The following TEAD1 variants were observed in gnomAD, a reference collection of about 807,000 sequenced individuals.
The protein encoded by TEAD1 is transcriptional enhancer factor TEF-1.
Under a neutral mutation model 54.9 loss-of-function variants are expected in TEAD1, and 9 were observed. The ratio of observed to expected loss-of-function variants is 0.16; its 90% CI spans 0.10 to 0.29. The LOEUF is 0.29. Among genes scored for constraint, TEAD1 ranks in the 10% least tolerant of loss-of-function variants. TEAD1 has a pLI of 1.00. For synonymous variants in TEAD1, 200 were observed against 187.8 expected (o/e 1.07, Z -0.53); for missense variants, 387 against 535.9 (o/e 0.72, Z 2.74).
intron 3 of TEAD1, among the ~76,000 whole-genome samples, chr11:12,791,953 A>T (rs538920667): frequency 1.5e-4 from 23 of 152,342 alleles, no homozygotes; most frequent in African/African-American, 5.5e-4. Flanking sequence ...TGAAAGATCC[A>T]GGAGTAACAA....
chr11:12,706,925 A>G (rs1450662183), intron 2 of TEAD1, among the ~76,000 whole-genome samples: 1 of 152,068 alleles, frequency 6.6e-6, no homozygotes, highest in East Asian at 1.9e-4. Flanking sequence ...AAGCTGAGAA[A>G]GGGCATGTGA....
chr11:12,684,249 T>TA (rs1054837775), intron 2 of TEAD1, among the ~76,000 whole-genome samples: 2 of 152,294 alleles, frequency 1.3e-5, no homozygotes, highest in African/African-American at 4.8e-5. Flanking sequence ...CATCAGTAAA[T>TA]ACGTAATATT....
intron 2 of TEAD1, among the ~76,000 whole-genome samples, chr11:12,685,410 G>A (rs748945053): frequency 6.6e-6 from 1 of 152,144 alleles, no homozygotes; most frequent in African/African-American, 2.4e-5. Flanking sequence ...GAACTTTATG[G>A]TATGTGAATC....
At chr11:12,767,529 T>C (rs1034613226) in intron 3 of TEAD1, among the ~76,000 whole-genome samples, 3 of 152,190 alleles carry the variant, frequency 2.0e-5, no homozygotes, top group Non-Finnish European at 4.4e-5. Flanking sequence ...AGTGATTTAT[T>C]TTGGTAATGA....
At chr11:12,892,041 C>A (rs1425877650) in intron 9 of TEAD1, among the ~76,000 whole-genome samples, 1 of 152,206 alleles carries the variant, frequency 6.6e-6, no homozygotes. Context: ...GGGGGACTGG[C>A]AGGCCTGTGG....
At chr11:12,683,356 T>A (rs938940045) in intron 2 of TEAD1, among the ~76,000 whole-genome samples, 3 of 152,210 alleles carry the variant, frequency 2.0e-5, no homozygotes, top group African/African-American at 7.2e-5. Flanking sequence ...TGGGAGGTTA[T>A]ACATTGTGGA....
chr11:12,737,280 A>G (rs542726499), intron 2 of TEAD1, among the ~76,000 whole-genome samples: 10 of 152,010 alleles, frequency 6.6e-5, no homozygotes, highest in African/African-American at 2.4e-4. Context: ...TGCAGTTCAC[A>G]TAAGTCCTTA....
Position 12,767,643 on chromosome 11 carries a change from C to T in TEAD1, c.202+3209C>T, listed in dbSNP as rs1008088622. Among the ~76,000 whole-genome samples the T allele has an allele frequency of 7.2e-5, 11 of 152,166 alleles. 1 individual carries two copies. Among genetic ancestry groups the T allele is most frequent in the Admixed American group, 5.9e-4 (9 of 15,278 alleles). ...GGCCACCGGAGGAGGTGGCTTCATT[C>T]GCTTTCTGCTAACTTGGTCTTTGGG... is the stretch of plus-strand genomic sequence containing the variant. On this transcript the variant is annotated intron_variant, in intron 3 of 12. Transcript: ENST00000527636.
intron 9 of TEAD1, among the ~76,000 whole-genome samples, chr11:12,895,457 C>T (rs1411585832): frequency 3.3e-5 from 5 of 152,136 alleles, no homozygotes; most frequent in South Asian, 2.1e-4. Flanking sequence ...TGCAGACAAG[C>T]GTCCCAGCTC....
At chr11:12,768,033 A>G (rs1945242137) in intron 3 of TEAD1, among the ~76,000 whole-genome samples, 1 of 152,186 alleles carries the variant, frequency 6.6e-6, no homozygotes, top group South Asian at 2.1e-4. Flanking sequence ...CCACGGGAAC[A>G]CCTGAATTTG....
chr11:12,814,498 C>T (rs2133993017), intron 3 of TEAD1, among the ~76,000 whole-genome samples: 1 of 152,232 alleles, frequency 6.6e-6, no homozygotes, highest in South Asian at 2.1e-4. Flanking sequence ...CAAGGGAAGG[C>T]ACCTTTGGCT....
chr11:12,840,064 G>A (rs1946992528), intron 3 of TEAD1, among the ~76,000 whole-genome samples: 1 of 151,852 alleles, frequency 6.6e-6, no homozygotes, highest in Admixed American at 6.6e-5. Flanking sequence ...TGGCTAACAT[G>A]GTGAAATCCC....
chr11:12,695,401 A>G (rs899432483), intron 2 of TEAD1, among the ~76,000 whole-genome samples: 6 of 152,250 alleles, frequency 3.9e-5, no homozygotes, highest in Non-Finnish European at 7.3e-5. Flanking sequence ...CCTTATGTTA[A>G]GAGAGGTACA....
intron 9 of TEAD1, among the ~76,000 whole-genome samples, chr11:12,899,251 G>A (rs1320835174): frequency 6.6e-6 from 1 of 151,796 alleles, no homozygotes. Context: ...GCTGTAAGCA[G>A]AGGTTGTTAA....
intron 11 of TEAD1, among the ~76,000 whole-genome samples, chr11:12,929,165 T>A (rs1396847739): frequency 1.3e-5 from 1 of 76,200 alleles, no homozygotes; most frequent in South Asian, 6.0e-4. Flanking sequence ...TGCTTTGCCG[T>A]GTGTGTGTGT....
At chr11:12,817,259 T>A (rs1438587627) in intron 3 of TEAD1, among the ~76,000 whole-genome samples, 1 of 152,188 alleles carries the variant, frequency 6.6e-6, no homozygotes, top group African/African-American at 2.4e-5. Context: ...TTGAAATAAT[T>A]CTTCTAACAC....
At chr11:12,678,078 G>A (rs2133806369) in intron 2 of TEAD1, among the ~76,000 whole-genome samples, 2 of 152,198 alleles carry the variant, frequency 1.3e-5, no homozygotes, top group Middle Eastern at 3.4e-3. Flanking sequence ...ATTGTGAAAG[G>A]GAAAATAAAT....
At chr11:12,687,402 G>A (rs1943356694) in intron 2 of TEAD1, among the ~76,000 whole-genome samples, 1 of 152,204 alleles carries the variant, frequency 6.6e-6, no homozygotes, top group Non-Finnish European at 1.5e-5. Context: ...TCTGTCTCAA[G>A]CCCATATAAG....
At chr11:12,820,274 G>T (rs979485264) in intron 3 of TEAD1, among the ~76,000 whole-genome samples, 14 of 152,154 alleles carry the variant, frequency 9.2e-5, no homozygotes, top group Non-Finnish European at 1.8e-4. Flanking sequence ...GGGAAGTGGA[G>T]AGTGGTTTCA....
Sources: gnomAD v4.1 joint callset for allele counts (sites outside exome capture counted in the v4.1 genomes callset) on GRCh38, gnomAD v4.1.1 for gene constraint, MANE v1.5 for transcripts, NCBI Gene and HGNC (gene_info 2026-07-23, HGNC 2026-07-21) for gene names.